The following CMYA5 variants were observed in gnomAD, a reference collection of about 807,000 sequenced individuals.
The protein encoded by CMYA5 is cardiomyopathy-associated protein 5.
In CMYA5, 246 loss-of-function variants were observed where a neutral mutation model predicts 318.9. The ratio of observed to expected loss-of-function variants is 0.77; its 90% CI spans 0.70 to 0.86. The LOEUF is 0.86. Among genes scored for constraint, CMYA5 ranks in the 40% least tolerant of loss-of-function variants. The pLI is 0.00. For synonymous variants in CMYA5, 1,641 were observed against 1,729.5 expected (o/e 0.95, Z 1.27); for missense variants, 4,589 against 4,678.2 (o/e 0.98, Z 0.56).
rs1358549004 is a variant in CMYA5 at position 79,728,419 on chromosome 5, G to A, written c.150-496G>A. On this transcript the variant is annotated intron_variant, in intron 1 of 12. Coordinates refer to ENST00000446378, the MANE Select transcript of CMYA5 (RefSeq NM_153610.5). ...TAGTAAAGCCAGTCTGGGAGGATGC[G>A]GCACAGTGGGTTAAGAGTGGGGGAA... Among the ~76,000 whole-genome samples, 12 of 151,982 alleles carry A rather than the reference G, an allele frequency of 7.9e-5. No individual in the cohort carries two copies. In the East Asian group the frequency reaches 1.7e-3, roughly 22 times the overall value.
At chr5:79,787,268 TG>T (rs1829098909) in intron 9 of CMYA5, among the ~76,000 whole-genome samples, 1 of 151,804 alleles carries the variant, frequency 6.6e-6, no homozygotes, top group African/African-American at 2.4e-5. Flanking sequence ...AGACAGGGCC[TG>T]GGCACATGAT....
chr5:79,793,455 T>G lies in CMYA5; in HGVS notation c.11808T>G (p.Gly3936=). 2 of 1,613,240 alleles carry G rather than the reference T, an allele frequency of 1.2e-6. No homozygotes were observed. The highest frequency in any genetic ancestry group is 1.7e-6 in the Non-Finnish European group (2 of 1,179,278). ...RRLTEIPSVL[G]EELPSCGQHY... Reference sequence around the variant, plus strand: ...CCCACAGAATCCCGTCAGTGCTGGGTGAGGAGCTGCCTTCCTGTGGCCAGC... The same window carrying G: ...CCCACAGAATCCCGTCAGTGCTGGGGGAGGAGCTGCCTTCCTGTGGCCAGC... The change falls in exon 12 of 13, where the codon GGT becomes GGG. Residue 3936 remains glycine (G), a synonymous_variant. Coordinates refer to ENST00000446378, the MANE Select transcript of CMYA5 (RefSeq NM_153610.5).
intron 1 of CMYA5, among the ~76,000 whole-genome samples, chr5:79,699,402 A>C (rs1251068159): frequency 1.3e-5 from 2 of 152,168 alleles, no homozygotes; most frequent in Non-Finnish European, 2.9e-5. Context: ...GGCAAAATGC[A>C]AGTCCATAGG....
Position 79,752,776 on chromosome 5 carries a change from A to T in CMYA5, c.11092A>T (p.Met3698Leu). 1 of 1,612,848 alleles carries T rather than the reference A, an allele frequency of 6.2e-7. No individual in the cohort carries two copies. Among genetic ancestry groups the T allele is most frequent in the Non-Finnish European group, 8.5e-7 (1 of 1,179,122 alleles). ...TGACAGCTCGGCAAGAAGTGACCAGATGTTAAAACAAGTGGCTGGTAAGCA... is the reference window on the plus strand; with the variant it reads ...TGACAGCTCGGCAAGAAGTGACCAGTTGTTAAAACAAGTGGCTGGTAAGCA... The part of the protein sequence containing the change: ...YDDSSARSDQ[M>L]LKQVAVPQPP... The change falls in exon 6 of 13, where the codon ATG (methionine) becomes TTG (leucine). Residue 3698 changes from methionine to leucine, a missense_variant. Physicochemically the swap from Met to Leu is conservative, Grantham distance 15 (BLOSUM62 2). Transcript: ENST00000446378.
intron 1 of CMYA5, among the ~76,000 whole-genome samples, chr5:79,698,024 T>A (rs968760418): frequency 4.6e-5 from 7 of 152,226 alleles, no homozygotes; most frequent in African/African-American, 1.4e-4. Context: ...AACTTCCTTA[T>A]ATGCTGTATG....
At chr5:79,750,419 C>G (rs933990532) in intron 5 of CMYA5, among the ~76,000 whole-genome samples, 1 of 152,172 alleles carries the variant, frequency 6.6e-6, no homozygotes, top group Non-Finnish European at 1.5e-5. Flanking sequence ...TTCCAGTCAA[C>G]AGCAGACTAT....
chr5:79,794,049 G>A (rs1829229454), intron 12 of CMYA5, among the ~76,000 whole-genome samples: 1 of 152,194 alleles, frequency 6.6e-6, no homozygotes, highest in African/African-American at 2.4e-5. Context: ...GAGACCACAA[G>A]GGTAATGCTA....
chr5:79,692,758 G>C (rs1049461197), intron 1 of CMYA5, among the ~76,000 whole-genome samples: 4 of 152,166 alleles, frequency 2.6e-5, no homozygotes, highest in African/African-American at 9.7e-5. Context: ...TCCATCAGAT[G>C]AGTCATTATT....
At position 79,697,007 on chromosome 5, in the gene CMYA5, C is replaced by CAA. The variant is rs77068414; in HGVS notation, c.149+6962_149+6963dup. ...GGGCAAAAAGGGCAAAACTCCATCT[C>CAA]AAAAAAAAAAAATGTATTTACTGTA... On this transcript the variant is annotated intron_variant, in intron 1 of 12. Transcript: ENST00000446378. 8.7e-5 allele frequency among the ~76,000 whole-genome samples: 12 copies of CAA among 137,390 alleles called. No individual in the cohort carries two copies. In the East Asian group the frequency reaches 1.3e-3, roughly 14 times the overall value. 90.1% of individuals were successfully genotyped at this position (137,390 alleles called of 152,430 possible). A position where few individuals can be genotyped will look rare whatever the true frequency, so the allele number is the denominator to read the frequency against.
intron 1 of CMYA5, among the ~76,000 whole-genome samples, chr5:79,698,383 G>C (rs571302000): frequency 9.2e-5 from 14 of 152,020 alleles, no homozygotes; most frequent in South Asian, 2.1e-4. Context: ...CCACTTACTA[G>C]TTGTGTGACG....
chr5:79,747,023 CTTCTCTCTCTCT>C (rs898708903), intron 4 of CMYA5, 56 bp from the exon 5 acceptor site: 79 of 914,086 alleles, frequency 8.6e-5, no homozygotes, highest in Middle Eastern at 2.2e-4. Flanking sequence ...TGTTAATTAG[CTTCTCTCTCTCT>C]TTCTCTCTCT....
intron 9 of CMYA5, among the ~76,000 whole-genome samples, chr5:79,772,738 T>C (rs970770632): frequency 6.6e-6 from 1 of 152,212 alleles, no homozygotes; most frequent in Admixed American, 6.5e-5. Flanking sequence ...GGTTCTTTAA[T>C]GTAAGAGTTC....
rs576430677 is a variant in CMYA5, at chr5:79,708,934, C to G, written c.149+18878C>G. On this transcript the variant is annotated intron_variant, in intron 1 of 12. Coordinates refer to ENST00000446378, the MANE Select transcript of CMYA5 (RefSeq NM_153610.5). The stretch of plus-strand genomic sequence containing the variant: ...GTCACTCTGGGTGACAGAGCAAGAC[C>G]CTGTCTCAATTTTTTTTAAATTTAA... 7.2e-4 allele frequency among the ~76,000 whole-genome samples: 110 copies of G among 152,184 alleles called. 2 individuals carry two copies. The highest frequency in any genetic ancestry group is 2.6e-3 in the African/African-American group (107 of 41,512).
intron 1 of CMYA5, among the ~76,000 whole-genome samples, chr5:79,712,520 T>C (rs1481270434): frequency 2.0e-5 from 3 of 152,142 alleles, no homozygotes; most frequent in African/African-American, 4.8e-5. Context: ...GCCTATTTTT[T>C]TTCTTCTTAA....
At chr5:79,767,275 G>A (rs943923918) in intron 9 of CMYA5, among the ~76,000 whole-genome samples, 1 of 152,044 alleles carries the variant, frequency 6.6e-6, no homozygotes, top group Non-Finnish European at 1.5e-5. Context: ...CTGATTTTTT[G>A]AAGGGTTTTT....
chr5:79,771,635 C>A (rs551709558), intron 9 of CMYA5, among the ~76,000 whole-genome samples: 2 of 152,160 alleles, frequency 1.3e-5, no homozygotes, highest in African/African-American at 4.8e-5. Context: ...GGGGGGATGG[C>A]GTTCCATTGA....
intron 5 of CMYA5, 126 bp downstream of exon 5, chr5:79,747,239 C>T: frequency 1.3e-6 from 1 of 763,758 alleles, no homozygotes; most frequent in African/African-American, 1.8e-5. Context: ...ACAGTATTTT[C>T]ACTTTTAGAC....
Position 79,761,957 on chromosome 5 carries a change from G to C in CMYA5, c.11407G>C (p.Ala3803Pro). 3 of 1,611,318 alleles carry C rather than the reference G, an allele frequency of 1.9e-6. No homozygotes were observed. The highest frequency in any genetic ancestry group is 2.5e-6 in the Non-Finnish European group (3 of 1,178,920). The part of the protein sequence containing the change: ...LPSERAIFRT[A>P]PSTPVIRAED... ...CAGTGAAAGGGCCATCTTTAGGACAGGTAAGGAGATGGATGCTAAGGGTGC... is the reference window on the plus strand; with the variant it reads ...CAGTGAAAGGGCCATCTTTAGGACACGTAAGGAGATGGATGCTAAGGGTGC... Residue 3803 changes from alanine to proline, a missense_variant and splice_region_variant, in exon 8 of 13, where the codon GCA becomes CCA. Physicochemically the swap from Ala to Pro is conservative, Grantham distance 27. Transcript: ENST00000446378.
At chr5:79,786,545 C>G (rs993496463) in intron 9 of CMYA5, among the ~76,000 whole-genome samples, 34 of 152,178 alleles carry the variant, frequency 2.2e-4, no homozygotes, top group African/African-American at 7.7e-4. Flanking sequence ...AACTTGAATT[C>G]TACTGCAAAC....
Sources: allele counts gnomAD v4.1 joint callset (sites outside exome capture counted in the v4.1 genomes callset), GRCh38; gene constraint gnomAD v4.1.1; transcripts MANE v1.5; gene names NCBI Gene and HGNC (gene_info 2026-07-23, HGNC 2026-07-21).